AFAP1: variants seen among roughly 807,000 people sequenced by gnomAD.
The protein encoded by AFAP1 is actin filament associated protein 1, also known as actin filament-associated protein 1.
AFAP1 carries 75 observed loss-of-function variants against 93.9 expected under a neutral mutation model. The observed-to-expected ratio is 0.80, with a 90% CI of 0.66 to 0.97. The LOEUF is 0.97. Among genes scored for constraint, AFAP1 ranks in the 50% least tolerant of loss-of-function variants. The probability of loss-of-function intolerance (pLI) is 0.00; values close to 1 mark genes in which losing one functional copy is unlikely to be tolerated. For missense variants in AFAP1, 1,201 were observed against 1,050.8 expected, an observed-to-expected ratio of 1.14 and a Z score of -1.98; for synonymous variants, 517 against 430.7, an observed-to-expected ratio of 1.20 and a Z score of -2.48.
At chr4:7,788,726 A>C (rs1198472949) in intron 11 of AFAP1, 1 of 152,202 alleles carries the variant, frequency 6.6e-6, no homozygotes, top group African/African-American at 2.4e-5. Flanking sequence ...AGACAGCGCT[A>C]TGTATACTTT....
intron 1 of AFAP1, among the ~76,000 whole-genome samples, chr4:7,881,095 C>G (rs1404294482): frequency 6.6e-6 from 1 of 152,138 alleles, no homozygotes; most frequent in Non-Finnish European, 1.5e-5. Context: ...AATTTCTAAC[C>G]CGCTATAGAA....
At chr4:7,890,004 T>TTAA (rs1553852391) in intron 1 of AFAP1, among the ~76,000 whole-genome samples, 88 of 100,340 alleles carry the variant, frequency 8.8e-4, no homozygotes, top group Non-Finnish European at 1.2e-3. Context: ...CAATTTTTGT[T>TTAA]AAAAAAAAAA....
At chr4:7,918,732 C>T (rs1464358749) in intron 1 of AFAP1, among the ~76,000 whole-genome samples, 2 of 127,732 alleles carry the variant, frequency 1.6e-5, no homozygotes, top group African/African-American at 3.3e-5. Context: ...GGATGAGACA[C>T]TCAGCCCAGG....
chr4:7,797,077 A>ATAC (rs1243269193), intron 10 of AFAP1, among the ~76,000 whole-genome samples: 2 of 151,690 alleles, frequency 1.3e-5, no homozygotes, highest in African/African-American at 4.8e-5. Flanking sequence ...ATAATTAATA[A>ATAC]TAATAATCTA....
intron 1 of AFAP1, among the ~76,000 whole-genome samples, chr4:7,893,169 C>CT (rs1475773054): frequency 2.0e-5 from 3 of 152,192 alleles, no homozygotes; most frequent in African/African-American, 7.2e-5. Context: ...AGATCAGTGG[C>CT]TAGCAACATC....
intron 1 of AFAP1, among the ~76,000 whole-genome samples, chr4:7,938,415 G>A (rs1381384291): frequency 2.0e-5 from 3 of 152,164 alleles, no homozygotes; most frequent in Non-Finnish European, 4.4e-5. Flanking sequence ...TTTGCTTCCT[G>A]GGACATAACA....
intron 10 of AFAP1, 29 bp from the exon 11 acceptor site, chr4:7,793,855 T>C (rs921536679): frequency 4.7e-6 from 7 of 1,486,816 alleles, no homozygotes; most frequent in Non-Finnish European, 9.1e-7. Context: ...AGGTAGGCTG[T>C]ATTTAACTAA....
At chr4:7,847,410 T>C (rs1713837614) in intron 4 of AFAP1, among the ~76,000 whole-genome samples, 1 of 150,638 alleles carries the variant, frequency 6.6e-6, no homozygotes, top group Admixed American at 6.6e-5. Context: ...AGTGTCCCAA[T>C]CAAGAGAACT....
chr4:7,807,892 G>A, intron 9 of AFAP1, among the ~76,000 whole-genome samples: 1 of 152,166 alleles, frequency 6.6e-6, no homozygotes. Flanking sequence ...GACCACCATG[G>A]CCCATCCTCT....
At chr4:7,798,699 T>C (rs1181591085) in intron 10 of AFAP1, among the ~76,000 whole-genome samples, 1 of 152,230 alleles carries the variant, frequency 6.6e-6, no homozygotes, top group African/African-American at 2.4e-5. Context: ...CCTTCCTCAG[T>C]GGTCCAAGCG....
intron 1 of AFAP1, among the ~76,000 whole-genome samples, chr4:7,918,434 G>C (rs955045256): frequency 2.7e-5 from 4 of 145,702 alleles, no homozygotes; most frequent in Non-Finnish European, 6.0e-5. Context: ...GCTGCCGGAA[G>C]AGACACTCGG....
intron 9 of AFAP1, among the ~76,000 whole-genome samples, chr4:7,806,630 T>C (rs1719539185): frequency 6.6e-6 from 1 of 152,084 alleles, no homozygotes; most frequent in Non-Finnish European, 1.5e-5. Context: ...CCTGAAACTT[T>C]GCAGCTGTAC....
intron 1 of AFAP1, among the ~76,000 whole-genome samples, chr4:7,912,653 G>C (rs1719801342): frequency 6.6e-6 from 1 of 152,132 alleles, no homozygotes; most frequent in South Asian, 2.1e-4. Flanking sequence ...AATTTTGATA[G>C]TTCTTTATGT....
intron 10 of AFAP1, among the ~76,000 whole-genome samples, chr4:7,795,869 C>T (rs888751297): frequency 2.0e-5 from 3 of 152,000 alleles, no homozygotes; most frequent in Non-Finnish European, 4.4e-5. Context: ...CTTCACAGTT[C>T]ATTGTATGAA....
chr4:7,832,088 G>A (rs937260374), intron 6 of AFAP1, among the ~76,000 whole-genome samples: 2 of 152,164 alleles, frequency 1.3e-5, no homozygotes, highest in Non-Finnish European at 2.9e-5. Flanking sequence ...CGCCTGCTTT[G>A]AGGTTAAGAA....
At chr4:7,931,630 G>T (rs924766834) in intron 1 of AFAP1, among the ~76,000 whole-genome samples, 7 of 151,244 alleles carry the variant, frequency 4.6e-5, no homozygotes, top group Non-Finnish European at 8.8e-5. Context: ...GGATCCTACT[G>T]CCTCAGCCTC....
intron 1 of AFAP1, among the ~76,000 whole-genome samples, chr4:7,928,209 T>C (rs988343146): frequency 1.3e-5 from 2 of 152,154 alleles, no homozygotes; most frequent in Non-Finnish European, 2.9e-5. Flanking sequence ...ACCTGAGCTC[T>C]CTATTTTACA....
chr4:7,784,410 C>T (rs536955481), intron 12 of AFAP1, among the ~76,000 whole-genome samples: 3 of 152,270 alleles, frequency 2.0e-5, no homozygotes, highest in African/African-American at 7.2e-5. Flanking sequence ...GGTCCACTCA[C>T]CCCCATGAGA....
Position 7,793,693 on chromosome 4 carries a change from T to A in AFAP1, c.1400A>T (p.Lys467Ile), listed in dbSNP as rs1342581860. The change falls in exon 11 of 18, where the codon AAA (lysine) becomes ATA (isoleucine). Residue 467 changes from lysine (K) to isoleucine (I), a missense_variant. Lys to Ile is a moderately radical substitution (Grantham distance 102, BLOSUM62 -3). Transcript: ENST00000420658. ...EMSASVIQTA[K>I]QTFCFMNRRV... ...CAGTGGGTCTTACCAGAAGGTCTGT[T>A]TGGCTGTCTGAATGACACTTGCAGA... The A allele has an allele frequency of 3.2e-6, 5 of 1,550,814 alleles. No homozygotes were observed. Among genetic ancestry groups the A allele is most frequent in the Non-Finnish European group, 4.4e-6 (5 of 1,133,628 alleles).
Sources: gnomAD v4.1 joint callset for allele counts (sites outside exome capture counted in the v4.1 genomes callset) on GRCh38, gnomAD v4.1.1 for gene constraint, MANE v1.5 for transcripts, NCBI Gene and HGNC (gene_info 2026-07-23, HGNC 2026-07-21) for gene names.